Variants in PNPLA6 observed in about 807,000 individuals in gnomAD.
PNPLA6 encodes the protein patatin like domain 6, lysophospholipase.
A neutral mutation model predicts 153.7 loss-of-function variants in PNPLA6; 105 were observed. The observed-to-expected ratio is 0.68, with a 90% CI of 0.58 to 0.80. The LOEUF is 0.80. PNPLA6 is among the 30% of genes least tolerant of loss of function. PNPLA6 has a pLI of 0.00. For missense variants in PNPLA6, 1,423 were observed against 1,919.3 expected, an observed-to-expected ratio of 0.74 and a Z score of 4.83; for synonymous variants, 825 against 822.2, an observed-to-expected ratio of 1.00 and a Z score of -0.06.
rs1475741804 is a variant in PNPLA6, at chr19:7,551,665, C to G, written c.2260+228C>G. On this transcript the variant is annotated intron_variant, in intron 18 of 31. Coordinates refer to ENST00000600737, the MANE Select transcript of PNPLA6 (RefSeq NM_001166114.2). ...AACGAAGTCCTCGACCCCTGGCGTG[C>G]TAGTTAATGGGCTCGAAAGTAAATC... Among the ~76,000 whole-genome samples the G allele has an allele frequency of 2.0e-5, 3 of 152,252 alleles. No individual in the cohort carries two copies. In the East Asian group the frequency reaches 5.8e-4, roughly 29 times the overall value.
intron 19 of PNPLA6, 95 bp from the exon 20 acceptor site, chr19:7,554,114 G>A: frequency 6.3e-7 from 1 of 1,575,796 alleles, no homozygotes; most frequent in Non-Finnish European, 8.7e-7. Flanking sequence ...GAGGGGAACA[G>A]GGCCACAGGG....
chr19:7,554,832 A>T, intron 21 of PNPLA6, 61 bp from the exon 22 acceptor site: 1 of 1,570,862 alleles, frequency 6.4e-7, no homozygotes, highest in Non-Finnish European at 8.6e-7. Flanking sequence ...GCGATCAGGG[A>T]CCCAGGTGTG....
At position 7,556,440 on chromosome 19, in the gene PNPLA6, C is replaced by T; in HGVS notation, c.3094-13C>T. 1 of 1,552,162 alleles carries T rather than the reference C, an allele frequency of 6.4e-7. No individual in the cohort carries two copies. Among genetic ancestry groups the T allele is most frequent in the South Asian group, 1.1e-5 (1 of 89,774 alleles). On this transcript the variant is annotated splice_polypyrimidine_tract_variant and intron_variant, in intron 24 of 31. Coordinates refer to ENST00000600737, the MANE Select transcript of PNPLA6 (RefSeq NM_001166114.2). ...TAACTCCTATTTGACCCTGTCTGGC[C>T]CCTTGTCCCTAGAGCATGACTTCGG... is the stretch of plus-strand genomic sequence containing the variant.
intron 31 of PNPLA6, 41 bp downstream of exon 31, chr19:7,561,358 G>C: frequency 1.3e-6 from 2 of 1,487,090 alleles, no homozygotes; most frequent in Non-Finnish European, 1.9e-6. Flanking sequence ...ATCCCCCAGA[G>C]GGTCATGAGT....
rs770158913 is a variant in PNPLA6 at position 7,553,894 on chromosome 19, C to T, written c.2280C>T (p.Pro760=). ...TAGCAGGCTCTGGGTTGGGTGTGCC[C>T]CCACACTCGGAACTCACCAACCCAG... ...GPFPGSGLGV[P]PHSELTNPAS... is the part of the protein sequence containing the mutation. Residue 760 remains proline (P), a synonymous_variant, in exon 19 of 32, where the codon CCC becomes CCT. Coordinates refer to ENST00000600737, the MANE Select transcript of PNPLA6 (RefSeq NM_001166114.2). 1.5e-5 allele frequency: 25 copies of T among 1,614,112 alleles called. No homozygotes were observed. Among genetic ancestry groups the T allele is most frequent in the Non-Finnish European group, 2.0e-5 (24 of 1,180,058 alleles).
chr19:7,561,670 G>A lies in PNPLA6; in HGVS notation c.*108G>A, dbSNP rs775518600. On this transcript the variant is annotated 3_prime_UTR_variant, in exon 32 of 32. Coordinates refer to ENST00000600737, the MANE Select transcript of PNPLA6 (RefSeq NM_001166114.2). ...CTGCTGCTATGCCTGTGACCCCCGC[G>A]GCCCACACACTGGACTGACCTGCCC... 6 of 794,652 alleles carry A rather than the reference G, an allele frequency of 7.6e-6. No homozygotes were observed. Among genetic ancestry groups the A allele is most frequent in the East Asian group, 2.7e-5 (1 of 37,618 alleles). 49.2% of individuals were successfully genotyped at this position (794,652 alleles called of 1,614,324 possible).
chr19:7,543,109 C>T (rs771069202), intron 13 of PNPLA6, 25 bp downstream of exon 13: 17 of 1,594,510 alleles, frequency 1.1e-5, no homozygotes, highest in Middle Eastern at 1.7e-4. Flanking sequence ...TGACCTGTAA[C>T]CATGCCACCT....
At position 7,535,769 on chromosome 19, in the gene PNPLA6, A is replaced by C. The variant is rs758952860; in HGVS notation, c.-20A>C. The C allele has an allele frequency of 1.4e-4, 211 of 1,528,746 alleles. No individual in the cohort carries two copies. The highest frequency in any genetic ancestry group is 1.8e-4 in the Non-Finnish European group (201 of 1,140,828). 94.7% of individuals were successfully genotyped at this position (1,528,746 alleles called of 1,614,324 possible). ...AGAGTCGCGCCCCCGGGGAGGGAGC[A>C]GCACTGGCCCATTCTGCAGATGGGG... On this transcript the variant is annotated 5_prime_UTR_variant, in exon 1 of 32. Coordinates refer to ENST00000600737, the MANE Select transcript of PNPLA6 (RefSeq NM_001166114.2). This position sits in a 1 kb window ranked among gnomAD's most constrained non-coding sequence, Gnocchi z 5.0.
At chr19:7,536,653 G>T (rs1410714473) in intron 3 of PNPLA6, 107 bp downstream of exon 3, 3 of 790,924 alleles carry the variant, frequency 3.8e-6, no homozygotes, top group East Asian at 5.2e-5. Context: ...TTGGCTGCGC[G>T]CTGTGGCTCA....
Position 7,553,108 on chromosome 19 carries a change from T to C in PNPLA6, c.2261-767T>C, listed in dbSNP as rs371461671. The stretch of plus-strand genomic sequence containing the variant: ...CTTATTTAGATTGTTATTGTTAGAT[T>C]GGGGAGGAAGGATTCCACCAGTAAG... On this transcript the variant is annotated intron_variant, in intron 18 of 31. Coordinates refer to ENST00000600737, the MANE Select transcript of PNPLA6 (RefSeq NM_001166114.2). 2.6e-5 allele frequency among the ~76,000 whole-genome samples: 4 copies of C among 152,158 alleles called. No individual in the cohort carries two copies. The East Asian group carries it at 7.7e-4, about 29-fold the overall frequency.
rs749923483 is a variant in PNPLA6, at chr19:7,557,152, G to C, written c.3281-16G>C. The C allele has an allele frequency of 1.9e-6, 3 of 1,581,922 alleles. No individual in the cohort carries two copies. The highest frequency in any genetic ancestry group is 2.6e-6 in the Non-Finnish European group (3 of 1,154,028). Reference sequence around the variant, plus strand: ...CGTGTCTGTGCGTGTTTGTGTCTGTGTGTCCCACCGCGCAGGCTCCCTGTG... The same window carrying C: ...CGTGTCTGTGCGTGTTTGTGTCTGTCTGTCCCACCGCGCAGGCTCCCTGTG... On this transcript the variant is annotated splice_polypyrimidine_tract_variant and intron_variant, in intron 26 of 31. Transcript: ENST00000600737.
chr19:7,553,552 G>T (rs2023745191), intron 18 of PNPLA6, among the ~76,000 whole-genome samples: 2 of 152,236 alleles, frequency 1.3e-5, no homozygotes, highest in Admixed American at 1.3e-4. Flanking sequence ...AGGGGCACTG[G>T]CCAATTGATC....
chr19:7,556,947 C>T (rs1356008897), intron 26 of PNPLA6: 35 of 689,302 alleles, frequency 5.1e-5, no homozygotes, highest in South Asian at 4.3e-4. Flanking sequence ...GCCTTACCCC[C>T]CTCACGCCAT....
upstream of PNPLA6, chr19:7,535,097 T>G: frequency 9.6e-6 from 2 of 208,358 alleles, no homozygotes; most frequent in Non-Finnish European, 2.0e-5. The surrounding 1 kb of genome is among the most constrained non-coding windows in gnomAD (Gnocchi z 5.0). Flanking sequence ...GCCTGGGGGG[T>G]GGGGTGGTCA....
At position 7,554,880 on chromosome 19, in the gene PNPLA6, C is replaced by A; in HGVS notation, c.2635-13C>A. 2 of 1,579,548 alleles carry A rather than the reference C, an allele frequency of 1.3e-6. No individual in the cohort carries two copies. Among genetic ancestry groups the A allele is most frequent in the Non-Finnish European group, 1.7e-6 (2 of 1,167,552 alleles). ...TGGGGCGGCTGGTGACCTCAGCCGT[C>A]CGTATTCCGCAGCTGGAGCAGATGC... On this transcript the variant is annotated splice_polypyrimidine_tract_variant and intron_variant, in intron 21 of 31. Coordinates refer to ENST00000600737, the MANE Select transcript of PNPLA6 (RefSeq NM_001166114.2).
At chr19:7,554,434 C>T (rs2146101186) in intron 20 of PNPLA6, 121 bp from the exon 21 acceptor site, 2 of 1,303,000 alleles carry the variant, frequency 1.5e-6, no homozygotes, top group Non-Finnish European at 2.2e-6. Flanking sequence ...CACCGGAGCA[C>T]GGACTTCCGT....
Position 7,549,954 on chromosome 19 carries a change from G to A in PNPLA6, c.1656G>A (p.Gln552=), listed in dbSNP as rs954810471. 1 of 1,613,862 alleles carries A rather than the reference G, an allele frequency of 6.2e-7. No homozygotes were observed. Among genetic ancestry groups the A allele is most frequent in the Non-Finnish European group, 8.5e-7 (1 of 1,180,050 alleles). Reference sequence around the variant, plus strand: ...TCTGGGGCTGCCTGCACGTGTACCAGCGCATGATCGACAAGGCGGAGGACG... The same window carrying A: ...TCTGGGGCTGCCTGCACGTGTACCAACGCATGATCGACAAGGCGGAGGACG... ...FVLWGCLHVY[Q]RMIDKAEDVC... is the part of the protein sequence containing the mutation. Residue 552 remains glutamine, a synonymous_variant, in exon 14 of 32, where the codon CAG becomes CAA. Transcript: ENST00000600737.
intron 13 of PNPLA6, among the ~76,000 whole-genome samples, chr19:7,546,219 A>C (rs2023380180): frequency 6.6e-6 from 1 of 152,080 alleles, no homozygotes; most frequent in Non-Finnish European, 1.5e-5. Context: ...AAATAGGTTG[A>C]TCTCTAAGAA....
rs369082833 is a variant in PNPLA6 at position 7,540,991 on chromosome 19, G to A, written c.864G>A (p.Pro288=). ...GGGACTCCACGGTGCTGCGCCTGCC[G>A]GTGGAAGCATTCTCCGCGGTCTTCA... ...AARDSTVLRL[P]VEAFSAVFTK... Residue 288 remains proline (P), a synonymous_variant, in exon 7 of 32, where the codon CCG becomes CCA. Transcript: ENST00000600737. This position sits in a 1 kb window ranked among gnomAD's most constrained non-coding sequence, Gnocchi z 6.8. 50 of 1,611,310 alleles carry A rather than the reference G, an allele frequency of 3.1e-5. No homozygotes were observed. In the Middle Eastern group the frequency reaches 1.5e-3, roughly 48 times the overall value.
Sources: gnomAD v4.1 joint callset for allele counts (sites outside exome capture counted in the v4.1 genomes callset) on GRCh38, gnomAD v4.1.1 for gene constraint, Gnocchi (gnomAD v3.1) non-coding constraint, MANE v1.5 for transcripts, NCBI Gene and HGNC (gene_info 2026-07-23, HGNC 2026-07-21) for gene names.